The following DLG1 variants were observed in gnomAD, a reference collection of about 807,000 sequenced individuals.
The protein encoded by DLG1 is disks large homolog 1.
Under a neutral mutation model 123.4 loss-of-function variants are expected in DLG1, and 42 were observed. The observed-to-expected ratio is 0.34, with a 90% CI of 0.27 to 0.44. DLG1 has a LOEUF of 0.44. DLG1 is among the 20% of genes least tolerant of loss of function. The pLI, the probability that DLG1 is intolerant of heterozygous loss-of-function variation, is 1.00. For missense variants in DLG1, 942 were observed against 1,082.6 expected, an observed-to-expected ratio of 0.87 and a Z score of 1.82; for synonymous variants, 317 against 356.2, an observed-to-expected ratio of 0.89 and a Z score of 1.24.
intron 6 of DLG1, among the ~76,000 whole-genome samples, chr3:197,147,432 G>GCACACACACACACA (rs67643945): frequency 1.1e-4 from 16 of 147,194 alleles, no homozygotes; most frequent in African/African-American, 3.3e-4. Context: ...TATATGGTGT[G>GCACACACACACACA]CACACACACA....
intron 5 of DLG1, among the ~76,000 whole-genome samples, chr3:197,188,892 T>C (rs111708141): frequency 0.012 from 1,766 of 152,294 alleles, 21 homozygotes; most frequent in African/African-American, 0.04. Context: ...TCCGGTTTTC[T>C]AACAAAAAGT....
At chr3:197,120,472 C>T (rs1440823098) in intron 11 of DLG1, among the ~76,000 whole-genome samples, 1 of 152,164 alleles carries the variant, frequency 6.6e-6, no homozygotes, top group East Asian at 1.9e-4. Flanking sequence ...TTATTCCAAT[C>T]ATTACCAAAA....
intron 4 of DLG1, among the ~76,000 whole-genome samples, chr3:197,279,847 T>C (rs1172275281): frequency 2.6e-5 from 4 of 152,202 alleles, no homozygotes; most frequent in Non-Finnish European, 5.9e-5. Flanking sequence ...AAAGAATACT[T>C]ACAGTTAAAA....
intron 4 of DLG1, among the ~76,000 whole-genome samples, chr3:197,235,565 A>C (rs1745545001): frequency 6.6e-6 from 1 of 152,224 alleles, no homozygotes; most frequent in African/African-American, 2.4e-5. Context: ...CATTAAGGCT[A>C]AGCTGGCCTT....
intron 3 of DLG1, among the ~76,000 whole-genome samples, chr3:197,296,001 C>CAA (rs1394999480): frequency 6.6e-6 from 1 of 152,232 alleles, no homozygotes; most frequent in African/African-American, 2.4e-5. Flanking sequence ...CACACGCTTT[C>CAA]AATGACTTCA....
At chr3:197,078,756 A>G (rs892666238) in intron 17 of DLG1, among the ~76,000 whole-genome samples, 2 of 152,232 alleles carry the variant, frequency 1.3e-5, no homozygotes, top group African/African-American at 2.4e-5. Context: ...CTTTTCGTTC[A>G]TAAGAATCAA....
intron 4 of DLG1, among the ~76,000 whole-genome samples, chr3:197,236,655 A>G (rs962957111): frequency 1.3e-5 from 2 of 152,134 alleles, no homozygotes; most frequent in Non-Finnish European, 2.9e-5. Context: ...GGTTGTCCCT[A>G]AAGGGGGACA....
intron 5 of DLG1, among the ~76,000 whole-genome samples, chr3:197,173,674 A>C (rs1400260849): frequency 6.6e-6 from 1 of 152,236 alleles, no homozygotes; most frequent in African/African-American, 2.4e-5. Flanking sequence ...GGGGTTAGCA[A>C]ACATTTTTGG....
Position 197,247,687 on chromosome 3 carries a change from T to C in DLG1, c.318+34992A>G, listed in dbSNP as rs6783357. Among the ~76,000 whole-genome samples the C allele has an allele frequency of 8.4e-3, 1,282 of 152,328 alleles. 18 individuals are homozygous for C. The highest frequency in any genetic ancestry group is 0.029 in the African/African-American group (1,214 of 41,564). On this transcript the variant is annotated intron_variant, in intron 4 of 24. Transcript: ENST00000667157. ...TATTTTATCATCTGTTGCTTTCTCT[T>C]ATGTTTAGTCCTCTCATTATCTTTC...
At chr3:197,199,953 CT>C (rs889669039) in intron 4 of DLG1, among the ~76,000 whole-genome samples, 16 of 152,172 alleles carry the variant, frequency 1.1e-4, no homozygotes, top group African/African-American at 3.9e-4. Flanking sequence ...TTTCCTCATC[CT>C]TTTTTATGTT....
At position 197,065,318 on chromosome 3, in the gene DLG1, T is replaced by C. The variant is rs775135552; in HGVS notation, c.2331A>G (p.Leu777=). 1.2e-5 allele frequency: 19 copies of C among 1,612,374 alleles called. No individual in the cohort carries two copies. The East Asian group carries it at 3.3e-4, about 28-fold the overall frequency. The change falls in exon 22 of 25, where the codon CTA becomes CTG. Residue 777 remains leucine (L), a synonymous_variant. Coordinates refer to ENST00000667157, the MANE Select transcript of DLG1 (RefSeq NM_001366207.1). ...GTACAGACTGAACACTTGTTCCATA[T>C]AGATGATTGTTATACTGGCCAGCTT... is the stretch of plus-strand genomic sequence containing the variant. The part of the protein sequence containing the change: ...FIEAGQYNNH[L]YGTSVQSVRE...
chr3:197,167,287 GT>G (rs1221348837), intron 5 of DLG1, among the ~76,000 whole-genome samples: 1 of 152,176 alleles, frequency 6.6e-6, no homozygotes, highest in Non-Finnish European at 1.5e-5. Flanking sequence ...TAGTAATAGA[GT>G]AATTCATTCA....
At chr3:197,198,379 T>C (rs1324594285) in intron 4 of DLG1, among the ~76,000 whole-genome samples, 1 of 151,442 alleles carries the variant, frequency 6.6e-6, no homozygotes, top group Non-Finnish European at 1.5e-5. Flanking sequence ...TCCCAACTAC[T>C]TGGGAGGCTG....
chr3:197,177,575 T>C (rs1432290122), intron 5 of DLG1, among the ~76,000 whole-genome samples: 1 of 152,086 alleles, frequency 6.6e-6, no homozygotes, highest in Non-Finnish European at 1.5e-5. Flanking sequence ...AAGATGGAGA[T>C]GTCTTGGTGT....
intron 4 of DLG1, among the ~76,000 whole-genome samples, chr3:197,205,802 G>C (rs879578004): frequency 6.6e-6 from 1 of 152,186 alleles, no homozygotes; most frequent in African/African-American, 2.4e-5. Context: ...TGTCTGAGGA[G>C]GCTCTACAGA....
At chr3:197,255,134 A>T (rs1756247841) in intron 4 of DLG1, among the ~76,000 whole-genome samples, 1 of 152,148 alleles carries the variant, frequency 6.6e-6, no homozygotes, top group Admixed American at 6.6e-5. Flanking sequence ...GAATTTTTCA[A>T]ATATATTAAA....
intron 4 of DLG1, among the ~76,000 whole-genome samples, chr3:197,273,910 C>T (rs531058350): frequency 4.2e-5 from 5 of 118,906 alleles, no homozygotes; most frequent in East Asian, 2.8e-4. Context: ...AGTAAAAGAT[C>T]TCAACAATGA....
chr3:197,132,437 C>A (rs989530961), intron 10 of DLG1, among the ~76,000 whole-genome samples: 1 of 151,940 alleles, frequency 6.6e-6, no homozygotes, highest in Non-Finnish European at 1.5e-5. Context: ...AATATTTTCA[C>A]AAAAAAATGT....
intron 5 of DLG1, among the ~76,000 whole-genome samples, chr3:197,167,269 A>C (rs558513697): frequency 1.2e-4 from 18 of 152,354 alleles, no homozygotes; most frequent in African/African-American, 4.3e-4. Flanking sequence ...ATCATTTGGC[A>C]GCCATCATAG....
Sources: gnomAD v4.1 joint callset for allele counts (sites outside exome capture counted in the v4.1 genomes callset) on GRCh38, gnomAD v4.1.1 for gene constraint, MANE v1.5 for transcripts, NCBI Gene and HGNC (gene_info 2026-07-23, HGNC 2026-07-21) for gene names.